Variants in SDK1 observed in about 807,000 individuals in gnomAD.
The protein encoded by SDK1 is sidekick cell adhesion molecule 1.
A neutral mutation model predicts 245.5 loss-of-function variants in SDK1; 157 were observed. The ratio of observed to expected loss-of-function variants is 0.64; its 90% CI spans 0.56 to 0.73. The LOEUF is 0.73. Among genes scored for constraint, SDK1 ranks in the 30% least tolerant of loss-of-function variants. The pLI, the probability that SDK1 is intolerant of heterozygous loss-of-function variation, is 0.00. For missense variants in SDK1, 3,583 were observed against 3,002.3 expected, an observed-to-expected ratio of 1.19 and a Z score of -4.52; for synonymous variants, 1,647 against 1,278.5, an observed-to-expected ratio of 1.29 and a Z score of -6.15.
intron 33 of SDK1, among the ~76,000 whole-genome samples, chr7:4,175,479 T>C (rs1420645633): frequency 6.6e-6 from 1 of 152,210 alleles, no homozygotes; most frequent in Non-Finnish European, 1.5e-5. Flanking sequence ...GTCCTGCCAC[T>C]CAGTGCTAAG....
Position 4,074,916 on chromosome 7 carries a change from A to ATTT in SDK1, c.3011-2069_3011-2067dup, listed in dbSNP as rs55899344. 9.3e-4 allele frequency among the ~76,000 whole-genome samples: 60 copies of ATTT among 64,578 alleles called. 3 individuals carry two copies. Among genetic ancestry groups the ATTT allele is most frequent in the Middle Eastern group, 0.012 (1 of 86 alleles). The allele number at this position is 64,578 out of a possible 152,430, so 42.4% of individuals were successfully genotyped here. ...TATATATATATATATATATATATAT[A>ATTT]TTTTTTTTTTTTTTTAATAAAGTTA... On this transcript the variant is annotated intron_variant, in intron 20 of 44. Transcript: ENST00000404826.
chr7:4,258,193 G>A (rs1787744303), intron 44 of SDK1, among the ~76,000 whole-genome samples: 1 of 152,152 alleles, frequency 6.6e-6, no homozygotes, highest in Non-Finnish European at 1.5e-5. Flanking sequence ...GATGGGTGTG[G>A]GCCATGTGCT....
chr7:4,267,893 C>A lies in SDK1; in HGVS notation c.*2509C>A. On this transcript the variant is annotated 3_prime_UTR_variant, in exon 45 of 45. Coordinates refer to ENST00000404826, the MANE Select transcript of SDK1 (RefSeq NM_152744.4). The stretch of plus-strand genomic sequence containing the variant: ...TCGGAGGGACTCTGTCCCATGAGAA[C>A]CACCTGTGCAAAGGAACAGAGCTGG... 1.0e-6 allele frequency: 1 copy of A among 985,496 alleles called. No homozygotes were observed. The highest frequency in any genetic ancestry group is 1.2e-6 in the Non-Finnish European group (1 of 830,006). 61.0% of individuals were successfully genotyped at this position (985,496 alleles called of 1,614,324 possible). A position where few individuals can be genotyped will look rare whatever the true frequency, so the allele number is the denominator to read the frequency against.
intron 4 of SDK1, among the ~76,000 whole-genome samples, chr7:3,710,028 T>C (rs1013138725): frequency 2.6e-5 from 4 of 152,106 alleles, no homozygotes; most frequent in African/African-American, 9.7e-5. Context: ...TACTTGACTA[T>C]AAAGGAAAAA....
chr7:3,720,219 G>A (rs1192246962), intron 4 of SDK1, among the ~76,000 whole-genome samples: 1 of 152,116 alleles, frequency 6.6e-6, no homozygotes, highest in Non-Finnish European at 1.5e-5. Flanking sequence ...TTGTGCCATT[G>A]CACTCCAGCC....
rs188953567 is a variant in SDK1 at position 3,980,322 on chromosome 7, T to A, written c.1994+5777T>A. Among the ~76,000 whole-genome samples, 229 of 152,346 alleles carry A rather than the reference T, an allele frequency of 1.5e-3. 1 individual carries two copies. The highest frequency in any genetic ancestry group is 5.4e-3 in the African/African-American group (223 of 41,574). On this transcript the variant is annotated intron_variant, in intron 13 of 44. Transcript: ENST00000404826. ...CGTTACTGTTGTTGTTAATTTCTGATATTCCTGAGGTGTCCTGTGCCTGAC... is the reference window on the plus strand; with the variant it reads ...CGTTACTGTTGTTGTTAATTTCTGAAATTCCTGAGGTGTCCTGTGCCTGAC...
intron 44 of SDK1, among the ~76,000 whole-genome samples, chr7:4,262,645 G>A (rs1339069503): frequency 6.8e-6 from 1 of 147,232 alleles, no homozygotes; most frequent in East Asian, 2.1e-4. Context: ...GGTCTCTGTG[G>A]ATGTGATGTC....
intron 25 of SDK1, 25 bp from the exon 26 acceptor site, chr7:4,127,356 A>G (rs770483601): frequency 5.8e-6 from 9 of 1,560,306 alleles, no homozygotes; most frequent in Non-Finnish European, 7.1e-6. Flanking sequence ...TTTGGATGCT[A>G]ATCTACTTCA....
At chr7:3,656,911 C>G (rs1000332718) in intron 4 of SDK1, among the ~76,000 whole-genome samples, 3 of 152,040 alleles carry the variant, frequency 2.0e-5, no homozygotes, top group African/African-American at 7.2e-5. Context: ...CCGCGCCCGG[C>G]TAATTTTTTG....
chr7:3,754,244 ATTGAATATTGTGTT>A (rs1779855222), intron 4 of SDK1, among the ~76,000 whole-genome samples: 1 of 152,148 alleles, frequency 6.6e-6, no homozygotes, highest in Non-Finnish European at 1.5e-5. Context: ...TTAAGTTATA[ATTGAATATTGTGTT>A]TTTAAGAAAG....
At chr7:3,586,161 G>C (rs968176159) in intron 1 of SDK1, among the ~76,000 whole-genome samples, 4 of 151,928 alleles carry the variant, frequency 2.6e-5, no homozygotes, top group Admixed American at 2.6e-4. Flanking sequence ...CTAACTCTCA[G>C]TGAAGTGTGC....
At chr7:4,236,229 G>A (rs998299649) in intron 41 of SDK1, among the ~76,000 whole-genome samples, 1 of 152,116 alleles carries the variant, frequency 6.6e-6, no homozygotes, top group Admixed American at 6.5e-5. Flanking sequence ...TTTCTGTTCT[G>A]GGGGGCTTCC....
intron 13 of SDK1, among the ~76,000 whole-genome samples, chr7:3,982,431 T>C (rs1395412172): frequency 6.6e-6 from 1 of 152,216 alleles, no homozygotes; most frequent in East Asian, 1.9e-4. Flanking sequence ...AGTCCCATTA[T>C]TTAAGGAATA....
chr7:4,109,117 A>C (rs1002306216), intron 22 of SDK1, among the ~76,000 whole-genome samples: 1 of 152,150 alleles, frequency 6.6e-6, no homozygotes, highest in Non-Finnish European at 1.5e-5. Context: ...TGACTAGTGC[A>C]CTAGGAGCAT....
intron 35 of SDK1, among the ~76,000 whole-genome samples, chr7:4,193,372 T>TTATATATATATATA (rs10536828): frequency 8.3e-4 from 86 of 103,060 alleles, no homozygotes; most frequent in African/African-American, 2.9e-3. Context: ...ATTAAAATAT[T>TTATATATATATATA]TATATATATA....
intron 14 of SDK1, among the ~76,000 whole-genome samples, chr7:4,003,559 C>A (rs1428304552): frequency 6.6e-6 from 1 of 152,210 alleles, no homozygotes; most frequent in Admixed American, 6.5e-5. Flanking sequence ...GTCTGATGTT[C>A]TTCTCTTAGC....
intron 1 of SDK1, among the ~76,000 whole-genome samples, chr7:3,612,392 T>C (rs1781621449): frequency 6.6e-6 from 1 of 152,148 alleles, no homozygotes; most frequent in Admixed American, 6.5e-5. Context: ...TTGTTGTCCT[T>C]AAAAAGATTG....
At position 3,641,859 on chromosome 7, in the gene SDK1, C is replaced by T. The variant is rs879210985; in HGVS notation, c.566-99C>T. 162 of 931,218 alleles carry T rather than the reference C, an allele frequency of 1.7e-4. 1 individual carries two copies. The South Asian group carries it at 2.5e-3, about 14-fold the overall frequency. The allele number at this position is 931,218 out of a possible 1,614,324, so 57.7% of individuals were successfully genotyped here. On this transcript the variant is annotated intron_variant, in intron 3 of 44. Coordinates refer to ENST00000404826, the MANE Select transcript of SDK1 (RefSeq NM_152744.4). ...GTCCTGGTGTGAAATGTGGCAGCATCAGTGACTTTACTGTAACACTTACCT... is the reference window on the plus strand; with the variant it reads ...GTCCTGGTGTGAAATGTGGCAGCATTAGTGACTTTACTGTAACACTTACCT...
chr7:4,227,584 T>C (rs184721316), intron 40 of SDK1, among the ~76,000 whole-genome samples: 1 of 152,234 alleles, frequency 6.6e-6, no homozygotes, highest in Admixed American at 6.5e-5. Flanking sequence ...AGCTGCAGAC[T>C]GACAGTCAAG....
Sources: gnomAD v4.1 joint callset for allele counts (sites outside exome capture counted in the v4.1 genomes callset) on GRCh38, gnomAD v4.1.1 for gene constraint, MANE v1.5 for transcripts, NCBI Gene and HGNC (gene_info 2026-07-23, HGNC 2026-07-21) for gene names.